The following SCML4 variants were observed in gnomAD, a reference collection of about 807,000 sequenced individuals.
The protein encoded by SCML4 is Scm polycomb group protein like 4.
SCML4 carries 34 observed loss-of-function variants against 41.1 expected under a neutral mutation model. The observed-to-expected ratio is 0.83, with a 90% CI of 0.63 to 1.10. SCML4 has a LOEUF of 1.10. SCML4 is among the 50% of genes least tolerant of loss of function. The pLI, the probability that SCML4 is intolerant of heterozygous loss-of-function variation, is 0.00. For missense variants in SCML4, 522 were observed against 534.1 expected, an observed-to-expected ratio of 0.98 and a Z score of 0.22; for synonymous variants, 214 against 220.9, an observed-to-expected ratio of 0.97 and a Z score of 0.28.
At chr6:107,770,106 G>A (rs979119962) in intron 2 of SCML4, among the ~76,000 whole-genome samples, 11 of 152,094 alleles carry the variant, frequency 7.2e-5, no homozygotes, top group African/African-American at 2.2e-4. Context: ...CACAATTAAA[G>A]TCCTGTCATT....
rs375100751 is a variant in SCML4 at position 107,780,686 on chromosome 6, G to A, written c.-59-8300C>T. Among the ~76,000 whole-genome samples, 21 of 151,628 alleles carry A rather than the reference G, an allele frequency of 1.4e-4. No individual in the cohort carries two copies. In the South Asian group the frequency reaches 2.3e-3, roughly 17 times the overall value. On this transcript the variant is annotated intron_variant, in intron 1 of 7. Transcript: ENST00000369020. ...CTCGTCACTGCACTCCAGCCTAGGC[G>A]ACAGAGTGAGGCCCAGTCTCCAATA...
chr6:107,708,853 T>C (rs1773951066), intron 6 of SCML4, among the ~76,000 whole-genome samples: 2 of 152,198 alleles, frequency 1.3e-5, no homozygotes, highest in Admixed American at 1.3e-4. Flanking sequence ...CGGCAATATT[T>C]AGGGTTGATT....
At chr6:107,811,730 G>C (rs1384411815) in intron 1 of SCML4, among the ~76,000 whole-genome samples, 1 of 152,118 alleles carries the variant, frequency 6.6e-6, no homozygotes, top group Non-Finnish European at 1.5e-5. Context: ...CTGCTCCTGG[G>C]GGCAGTCTGG....
Position 107,772,031 on chromosome 6 carries a change from A to T in SCML4, c.156+141T>A, listed in dbSNP as rs1418450687. Reference sequence around the variant, plus strand: ...GTAACAGTGAGACCTCATCCGTCACATACTTCACCGAGGGAGGCTTATTTC... The same window carrying T: ...GTAACAGTGAGACCTCATCCGTCACTTACTTCACCGAGGGAGGCTTATTTC... On this transcript the variant is annotated intron_variant, in intron 2 of 7. Coordinates refer to ENST00000369020, the MANE Select transcript of SCML4 (RefSeq NM_198081.5). 3.0e-6 allele frequency: 2 copies of T among 667,064 alleles called. No homozygotes were observed. The highest frequency in any genetic ancestry group is 2.9e-5 in the East Asian group (1 of 34,728). The allele number at this position is 667,064 out of a possible 1,614,324, so 41.3% of individuals were successfully genotyped here.
At position 107,707,886 on chromosome 6, in the gene SCML4, C is replaced by A. The variant is rs545151059; in HGVS notation, c.1099G>T (p.Val367Leu). Reference sequence around the variant, plus strand: ...CATACGTGCTTTCTGAAGAGCTCCACGTGAGGCCCCAGAGCCTGTGGGTCG... The same window carrying A: ...CATACGTGCTTTCTGAAGAGCTCCAAGTGAGGCCCCAGAGCCTGTGGGTCG... ...DADPQALGPHVELFRKHEIDG... is the reference protein window; with the variant it reads ...DADPQALGPHLELFRKHEIDG... Residue 367 changes from valine (V) to leucine (L), a missense_variant, in exon 7 of 8, where the codon GTG becomes TTG. Coordinates refer to ENST00000369020, the MANE Select transcript of SCML4 (RefSeq NM_198081.5). 2 of 1,551,724 alleles carry A rather than the reference C, an allele frequency of 1.3e-6. No homozygotes were observed. The highest frequency in any genetic ancestry group is 1.7e-6 in the Non-Finnish European group (2 of 1,147,004).
At chr6:107,761,806 GTC>G in intron 2 of SCML4, among the ~76,000 whole-genome samples, 1 of 18,746 alleles carries the variant, frequency 5.3e-5, no homozygotes, top group Middle Eastern at 0.033. Flanking sequence ...AGAAAAAAAA[GTC>G]TTTTTTTTTT....
At position 107,785,424 on chromosome 6, in the gene SCML4, G is replaced by A. The variant is rs570726174; in HGVS notation, c.-59-13038C>T. ...TTCGTAGCCTGCAGCTGTGCCCTTA[G>A]ACAGGGTGAGGCAGAAAGCCTCCCA... On this transcript the variant is annotated intron_variant, in intron 1 of 7. Coordinates refer to ENST00000369020, the MANE Select transcript of SCML4 (RefSeq NM_198081.5). Among the ~76,000 whole-genome samples the A allele has an allele frequency of 1.5e-4, 23 of 152,350 alleles. 1 individual carries two copies. Among genetic ancestry groups the A allele is most frequent in the African/African-American group, 5.5e-4 (23 of 41,588 alleles).
At chr6:107,801,315 T>C (rs1335874005) in intron 1 of SCML4, among the ~76,000 whole-genome samples, 1 of 152,198 alleles carries the variant, frequency 6.6e-6, no homozygotes, top group Non-Finnish European at 1.5e-5. Context: ...TCCCAACTCC[T>C]GTAATCCCTT....
chr6:107,708,784 T>C (rs1424698128), intron 6 of SCML4, among the ~76,000 whole-genome samples: 1 of 152,166 alleles, frequency 6.6e-6, no homozygotes, highest in East Asian at 1.9e-4. Context: ...GCATTTCCCA[T>C]GCAGCAGGTG....
chr6:107,811,202 A>C (rs1212063049), intron 1 of SCML4, among the ~76,000 whole-genome samples: 1 of 152,206 alleles, frequency 6.6e-6, no homozygotes, highest in African/African-American at 2.4e-5. Context: ...TCTTCTGTGT[A>C]AGCCACCCAG....
At chr6:107,813,471 A>C (rs1040268102) in intron 1 of SCML4, among the ~76,000 whole-genome samples, 2 of 146,422 alleles carry the variant, frequency 1.4e-5, no homozygotes, top group African/African-American at 5.0e-5. Context: ...TCCGCTGAAA[A>C]CACGCTTCAG....
chr6:107,783,726 T>C (rs532958688), intron 1 of SCML4, among the ~76,000 whole-genome samples: 77 of 152,022 alleles, frequency 5.1e-4, no homozygotes, highest in African/African-American at 1.8e-3. Context: ...GTTTGCCTGA[T>C]GGCAGGTGCT....
At chr6:107,740,215 C>T (rs1039222444) in intron 5 of SCML4, 10 of 468,604 alleles carry the variant, frequency 2.1e-5, no homozygotes, top group Non-Finnish European at 4.0e-5. Context: ...AGCTGCAAGA[C>T]AACAGACACC....
In SCML4 at chr6:107,771,503, T is replaced by A. The variant is rs147890407; in HGVS notation, c.156+669A>T. Among the ~76,000 whole-genome samples the A allele has an allele frequency of 2.0e-4, 30 of 152,324 alleles. No individual in the cohort carries two copies. The East Asian group carries it at 4.4e-3, about 23-fold the overall frequency. On this transcript the variant is annotated intron_variant, in intron 2 of 7. Transcript: ENST00000369020. ...CCTTGAGTTTGAGTTGGTTTATGAT[T>A]GTGGTTACATCAGAGGATTTATTCT...
At chr6:107,747,645 G>A (rs1195149182) in intron 3 of SCML4, among the ~76,000 whole-genome samples, 1 of 150,608 alleles carries the variant, frequency 6.6e-6, no homozygotes, top group Non-Finnish European at 1.5e-5. Flanking sequence ...ACATAAAAAT[G>A]TTAGAATGTC....
chr6:107,748,390 G>GGTTTTTTTGTTTTTTT (rs151311439), intron 3 of SCML4, among the ~76,000 whole-genome samples: 1 of 151,870 alleles, frequency 6.6e-6, no homozygotes, highest in East Asian at 1.9e-4. Flanking sequence ...TGAAGAAATA[G>GGTTTTTTTGTTTTTTT]GTTTTTTTGT....
chr6:107,717,172 A>AAAT lies in SCML4; in HGVS notation c.973+3530_973+3531insATT, dbSNP rs1321916871. On this transcript the variant is annotated intron_variant, in intron 6 of 7. Transcript: ENST00000369020. ...AAAAAAAAAAAAAAAAAAAAAAAAAAAGCCAGGTGTGGTGGCAGGCACCTG... is the reference window on the plus strand; with the variant it reads ...AAAAAAAAAAAAAAAAAAAAAAAAAAAATAGCCAGGTGTGGTGGCAGGCACCTG... 5.0e-3 allele frequency among the ~76,000 whole-genome samples: 561 copies of AAAT among 112,740 alleles called. 51 individuals are homozygous for AAAT. The highest frequency in any genetic ancestry group is 0.019 in the African/African-American group (543 of 28,504). 74.0% of individuals were successfully genotyped at this position (112,740 alleles called of 152,430 possible). A position where few individuals can be genotyped will look rare whatever the true frequency, so the allele number is the denominator to read the frequency against.
chr6:107,811,723 C>T (rs948004080), intron 1 of SCML4, among the ~76,000 whole-genome samples: 2 of 152,150 alleles, frequency 1.3e-5, no homozygotes, highest in African/African-American at 2.4e-5. Flanking sequence ...TTTTCTTCTG[C>T]TCCTGGGGGC....
chr6:107,748,579 G>A (rs1387506520), intron 3 of SCML4, among the ~76,000 whole-genome samples: 18 of 152,310 alleles, frequency 1.2e-4, no homozygotes, highest in Admixed American at 1.2e-3. Flanking sequence ...CTCTGGTAGA[G>A]TCCAGGTCTC....
Sources: allele counts gnomAD v4.1 joint callset (sites outside exome capture counted in the v4.1 genomes callset), GRCh38; gene constraint gnomAD v4.1.1; transcripts MANE v1.5; gene names NCBI Gene and HGNC (gene_info 2026-07-23, HGNC 2026-07-21).